SNX2: variants seen among roughly 807,000 people sequenced by gnomAD.
SNX2 encodes the protein sorting nexin 2.
A neutral mutation model predicts 69.9 loss-of-function variants in SNX2; 25 were observed. The observed-to-expected ratio is 0.36, with a 90% CI of 0.26 to 0.50. The LOEUF (loss-of-function observed/expected upper bound fraction) is 0.50. Ranked by LOEUF, SNX2 falls within the 20% of genes least tolerant of loss-of-function variation. The probability of loss-of-function intolerance (pLI) is 0.97; values close to 1 mark genes in which losing one functional copy is unlikely to be tolerated. For missense variants in SNX2, 551 were observed against 613.3 expected (o/e 0.90, Z 1.07); for synonymous variants, 229 against 200.4 (o/e 1.14, Z -1.20).
chr5:122,825,956 G>T (rs2150018147), intron 11 of SNX2, 94 bp from the exon 12 acceptor site: 1 of 1,108,370 alleles, frequency 9.0e-7, no homozygotes, highest in Non-Finnish European at 1.3e-6. Flanking sequence ...TTAAATACTT[G>T]GTTTTATTGT....
rs767720520 is a variant in SNX2 at position 122,795,320 on chromosome 5, A to T, written c.163A>T (p.Asn55Tyr). ...TCTTCCTGCAGAAGATATTAGTGCA[A>T]ACTCCAATGGCCCAAAACCCACAGA... ...ASLPAEDISANSNGPKPTEVV... is the reference protein window; with the variant it reads ...ASLPAEDISAYSNGPKPTEVV... The change falls in exon 2 of 15, where the codon AAC becomes TAC. Residue 55 changes from asparagine to tyrosine, a missense_variant. By Grantham distance (143) the Asn-to-Tyr change is moderately radical. Around this residue, in one of 2 missense-constraint regions of SNX2, gnomAD observed 191 missense variants for 162.9 expected, o/e 1.17. Transcript: ENST00000379516. 3.7e-6 allele frequency: 6 copies of T among 1,613,872 alleles called. No homozygotes were observed. The highest frequency in any genetic ancestry group is 1.6e-4 in the Middle Eastern group (1 of 6,080).
intron 1 of SNX2, among the ~76,000 whole-genome samples, chr5:122,786,129 G>A (rs2150001668): frequency 6.6e-6 from 1 of 152,200 alleles, no homozygotes; most frequent in Admixed American, 6.5e-5. Flanking sequence ...TTTTATTGAT[G>A]ATAATATTTC....
At chr5:122,802,158 G>A (rs200195536) in intron 5 of SNX2, 34 bp downstream of exon 5, 116 of 1,578,574 alleles carry the variant, frequency 7.3e-5, no homozygotes, top group Non-Finnish European at 9.2e-5. Flanking sequence ...AAACTATCGA[G>A]CCCTCATTAT....
intron 1 of SNX2, among the ~76,000 whole-genome samples, chr5:122,787,679 A>G (rs368811851): frequency 6.6e-6 from 1 of 152,168 alleles, no homozygotes; most frequent in South Asian, 2.1e-4. Flanking sequence ...TGAGTTGCCC[A>G]CTGCCCCACA....
rs1438903024 is a variant in SNX2, at chr5:122,830,321, T to G, written c.*673T>G. ...AAAGAACATTTGACTCTTGATTGTC[T>G]TGGGTAAAGAAGAGAATAATTGTCT... On this transcript the variant is annotated 3_prime_UTR_variant, in exon 15 of 15. Coordinates refer to ENST00000379516, the MANE Select transcript of SNX2 (RefSeq NM_003100.4). Among the ~76,000 whole-genome samples the G allele has an allele frequency of 2.0e-5, 3 of 152,214 alleles. No homozygotes were observed. Among genetic ancestry groups the G allele is most frequent in the African/African-American group, 7.2e-5 (3 of 41,458 alleles).
intron 12 of SNX2, among the ~76,000 whole-genome samples, chr5:122,827,064 T>C (rs1357923422): frequency 6.6e-6 from 1 of 152,058 alleles, no homozygotes; most frequent in East Asian, 1.9e-4. Flanking sequence ...TGATAATTTA[T>C]TTTGTGGTGA....
intron 6 of SNX2, among the ~76,000 whole-genome samples, chr5:122,804,271 T>G (rs754315652): frequency 1.3e-5 from 2 of 152,096 alleles, no homozygotes; most frequent in Non-Finnish European, 2.9e-5. Context: ...GGGATGGAGG[T>G]GTTAGACCCT....
intron 1 of SNX2, among the ~76,000 whole-genome samples, chr5:122,778,567 G>C (rs1752904125): frequency 6.6e-6 from 1 of 152,052 alleles, no homozygotes; most frequent in African/African-American, 2.4e-5. Context: ...GGAGTGCAGT[G>C]GTTTGATCTT....
intron 2 of SNX2, among the ~76,000 whole-genome samples, chr5:122,797,443 CATT>C (rs1275396934): frequency 6.6e-6 from 1 of 151,610 alleles, no homozygotes; most frequent in Non-Finnish European, 1.5e-5. Context: ...ATAATGACAT[CATT>C]AAGTGACTGA....
chr5:122,791,729 A>G (rs1433429266), intron 1 of SNX2, among the ~76,000 whole-genome samples: 1 of 152,202 alleles, frequency 6.6e-6, no homozygotes, highest in Non-Finnish European at 1.5e-5. Context: ...CAATTTTTAT[A>G]GTAATATAGA....
At position 122,803,550 on chromosome 5, in the gene SNX2, T is replaced by G; in HGVS notation, c.580T>G (p.Leu194Val). Residue 194 changes from leucine to valine, a missense_variant, in exon 6 of 15, where the codon TTA becomes GTA. Transcript: ENST00000379516. ...CGACTTTCTTGGTTTGCACAGCAAA[T>G]TAGCAAGCAAATATTTACATGTTGG... Reference protein sequence around the residue: ...FSDFLGLHSKLASKYLHVGYI... With the variant: ...FSDFLGLHSKVASKYLHVGYI... 6.2e-7 allele frequency: 1 copy of G among 1,612,470 alleles called. No homozygotes were observed. Among genetic ancestry groups the G allele is most frequent in the Non-Finnish European group, 8.5e-7 (1 of 1,179,382 alleles).
At chr5:122,813,074 T>G (rs1237220108) in intron 7 of SNX2, among the ~76,000 whole-genome samples, 1 of 152,152 alleles carries the variant, frequency 6.6e-6, no homozygotes, top group Non-Finnish European at 1.5e-5. Context: ...CATTGTCTTT[T>G]ATTTCTGACT....
intron 3 of SNX2, among the ~76,000 whole-genome samples, chr5:122,800,949 T>C (rs1753492858): frequency 6.6e-6 from 1 of 151,928 alleles, no homozygotes; most frequent in African/African-American, 2.4e-5. Flanking sequence ...AGGGCTTCTC[T>C]GAAGTCTCGA....
At position 122,801,884 on chromosome 5, in the gene SNX2, A is replaced by G. The variant is rs183437595; in HGVS notation, c.406A>G (p.Asn136Asp). Residue 136 changes from asparagine (N) to aspartate (D), a missense_variant, in exon 4 of 15, where the codon AAT becomes GAT. Asn to Asp is a conservative substitution (Grantham distance 23). This residue lies in a region of SNX2 where 191 missense variants were observed against 162.9 expected (regional missense o/e 1.17). Transcript: ENST00000379516. ...RSREEIEEEA[N>D]GDIFDIEIGV... Reference sequence around the variant, plus strand: ...TACTTTCTAGATTGAAGAAGAAGCAAATGGAGACATTTTTGACATAGAAAT... The same window carrying G: ...TACTTTCTAGATTGAAGAAGAAGCAGATGGAGACATTTTTGACATAGAAAT... 1 of 1,597,760 alleles carries G rather than the reference A, an allele frequency of 6.3e-7. No individual in the cohort carries two copies. The highest frequency in any genetic ancestry group is 8.6e-7 in the Non-Finnish European group (1 of 1,168,162).
rs572270203 is a variant in SNX2 at position 122,829,138 on chromosome 5, A to C, written c.1510-460A>C. 2.0e-3 allele frequency among the ~76,000 whole-genome samples: 301 copies of C among 152,164 alleles called. 1 individual carries two copies. The highest frequency in any genetic ancestry group is 0.01 in the South Asian group (49 of 4,812). ...ACCTCAAGAAAACAAAACAAAAAAA[A>C]CCCAGACGTTAGTAAATATTAGTCA... On this transcript the variant is annotated intron_variant, in intron 14 of 14. Transcript: ENST00000379516.
At chr5:122,811,926 T>C (rs1340611224) in intron 7 of SNX2, among the ~76,000 whole-genome samples, 1 of 152,230 alleles carries the variant, frequency 6.6e-6, no homozygotes, top group Non-Finnish European at 1.5e-5. Context: ...AAACAGTTAA[T>C]GTAGATTAAT....
At chr5:122,775,748 T>G (rs1260321896) in intron 1 of SNX2, 1 of 985,524 alleles carries the variant, frequency 1.0e-6, no homozygotes, top group African/African-American at 1.7e-5. Flanking sequence ...GCTTCTGATT[T>G]GGACTGTTAA....
chr5:122,819,009 A>G lies in SNX2; in HGVS notation c.1198A>G (p.Ile400Val), dbSNP rs1298871499. The part of the protein sequence containing the change: ...SELLSDYIRL[I>V]AAVKGVFDHR... ...ACTACTTAGTGACTACATTCGTCTT[A>G]TTGCTGCAGTGAAAGTAAGCCCTTT... is the stretch of plus-strand genomic sequence containing the variant. The change falls in exon 11 of 15, where the codon ATT (isoleucine) becomes GTT (valine). Residue 400 changes from isoleucine (I) to valine (V), a missense_variant. Transcript: ENST00000379516. 3 of 1,613,280 alleles carry G rather than the reference A, an allele frequency of 1.9e-6. No homozygotes were observed. In the African/African-American group the frequency reaches 4.0e-5, roughly 22 times the overall value.
chr5:122,812,048 C>A (rs1005297353), intron 7 of SNX2, among the ~76,000 whole-genome samples: 20 of 152,130 alleles, frequency 1.3e-4, no homozygotes, highest in Non-Finnish European at 2.9e-4. Context: ...AACCTTTTCT[C>A]ACCAGTCTAC....
Sources: allele counts gnomAD v4.1 joint callset (sites outside exome capture counted in the v4.1 genomes callset), GRCh38; gene constraint gnomAD v4.1.1; regional missense constraint gnomAD v4.1.1; transcripts MANE v1.5; gene names NCBI Gene and HGNC (gene_info 2026-07-23, HGNC 2026-07-21).